Variants in BRINP3 observed in about 807,000 individuals in gnomAD.
BRINP3 encodes BMP/retinoic acid-inducible neural-specific protein 3.
BRINP3 carries 19 observed loss-of-function variants against 71.0 expected under a neutral mutation model. The observed-to-expected ratio is 0.27, with a 90% CI of 0.19 to 0.39. BRINP3 has a LOEUF of 0.39. Ranked by LOEUF, BRINP3 falls within the 10% of genes least tolerant of loss-of-function variation. The pLI is 1.00. For missense variants in BRINP3, 959 were observed against 940.8 expected (o/e 1.02, Z -0.25); for synonymous variants, 380 against 337.7 (o/e 1.13, Z -1.37).
At chr1:190,150,636 T>G (rs985893354) in intron 7 of BRINP3, among the ~76,000 whole-genome samples, 1 of 152,192 alleles carries the variant, frequency 6.6e-6, no homozygotes, top group Non-Finnish European at 1.5e-5. Context: ...CATATTTACC[T>G]AATGACAATT....
intron 2 of BRINP3, among the ~76,000 whole-genome samples, chr1:190,342,935 T>G (rs1159040387): frequency 6.6e-6 from 1 of 151,814 alleles, no homozygotes; most frequent in Non-Finnish European, 1.5e-5. Flanking sequence ...AAAACGGTGT[T>G]AAGATCAAGT....
At chr1:190,276,646 T>TAC (rs374768178) in intron 3 of BRINP3, among the ~76,000 whole-genome samples, 46 of 148,986 alleles carry the variant, frequency 3.1e-4, no homozygotes, top group Non-Finnish European at 3.4e-4. Flanking sequence ...CACACACACA[T>TAC]ACACACACAC....
At chr1:190,405,157 G>T (rs12751085) in intron 2 of BRINP3, among the ~76,000 whole-genome samples, 2 of 151,954 alleles carry the variant, frequency 1.3e-5, no homozygotes, top group Non-Finnish European at 2.9e-5. Flanking sequence ...TATTTTTAAA[G>T]AATCAGAAAC....
At chr1:190,351,074 G>T (rs10753947) in intron 2 of BRINP3, among the ~76,000 whole-genome samples, 24,729 of 152,024 alleles carry the variant, frequency 0.16, 2,046 homozygotes, top group Middle Eastern at 0.22. Context: ...AAAGTGCTGG[G>T]ATTACAGGTT....
chr1:190,461,946 C>T (rs1225562724), intron 1 of BRINP3, among the ~76,000 whole-genome samples: 1 of 152,006 alleles, frequency 6.6e-6, no homozygotes, highest in Non-Finnish European at 1.5e-5. Flanking sequence ...TATTTTGAGA[C>T]GGAGTTTCGC....
chr1:190,202,677 A>G (rs924909030), intron 6 of BRINP3, among the ~76,000 whole-genome samples: 2 of 152,006 alleles, frequency 1.3e-5, no homozygotes, highest in African/African-American at 4.8e-5. Context: ...GTGATAGTGA[A>G]TGGGTCTCAT....
At chr1:190,417,245 A>C (rs1020855409) in intron 2 of BRINP3, among the ~76,000 whole-genome samples, 1 of 152,148 alleles carries the variant, frequency 6.6e-6, no homozygotes, top group African/African-American at 2.4e-5. Context: ...CTCTTAACAA[A>C]AAAAAAATCA....
chr1:190,238,224 T>C (rs1658711321), intron 4 of BRINP3, among the ~76,000 whole-genome samples: 1 of 152,072 alleles, frequency 6.6e-6, no homozygotes, highest in Non-Finnish European at 1.5e-5. Flanking sequence ...GTAGAAACTA[T>C]ACTAGAGAAC....
chr1:190,131,565 C>T (rs1356042364), intron 7 of BRINP3, among the ~76,000 whole-genome samples: 1 of 152,020 alleles, frequency 6.6e-6, no homozygotes, highest in Non-Finnish European at 1.5e-5. Context: ...TTATGCCCGT[C>T]TTCTGTGAAA....
At position 190,105,958 on chromosome 1, in the gene BRINP3, G is replaced by A. The variant is rs145000623; in HGVS notation, c.1185-6824C>T. Among the ~76,000 whole-genome samples, 358 of 151,830 alleles carry A rather than the reference G, an allele frequency of 2.4e-3. 1 individual carries two copies. Among genetic ancestry groups the A allele is most frequent in the South Asian group, 6.8e-3 (33 of 4,820 alleles). On this transcript the variant is annotated intron_variant, in intron 7 of 7. Coordinates refer to ENST00000367462, the MANE Select transcript of BRINP3 (RefSeq NM_199051.3). ...AAATAACTATATTTTAAAAATTAGC[G>A]TACACATGCGATTTTCTATCAAAGA...
intron 6 of BRINP3, among the ~76,000 whole-genome samples, chr1:190,210,837 C>A (rs1306039447): frequency 6.6e-6 from 1 of 151,976 alleles, no homozygotes; most frequent in Non-Finnish European, 1.5e-5. Flanking sequence ...GGGTGGGCAC[C>A]ATCTAATTAG....
chr1:190,455,031 T>G lies in BRINP3; in HGVS notation c.-50-91A>C, dbSNP rs867475620. 62 of 595,064 alleles carry G rather than the reference T, an allele frequency of 1.0e-4. 2 individuals are homozygous for G. The Middle Eastern group carries it at 2.8e-3, about 27-fold the overall frequency. 36.9% of individuals were successfully genotyped at this position (595,064 alleles called of 1,614,324 possible). Reference sequence around the variant, plus strand: ...AGGTGGCTAATTTTAAATTTTAATCTAATATCATTGTTTTAAATTAGTATT... The same window carrying G: ...AGGTGGCTAATTTTAAATTTTAATCGAATATCATTGTTTTAAATTAGTATT... On this transcript the variant is annotated intron_variant, in intron 1 of 7. Transcript: ENST00000367462.
intron 7 of BRINP3, among the ~76,000 whole-genome samples, chr1:190,118,716 A>C (rs1360306024): frequency 6.6e-6 from 1 of 152,234 alleles, no homozygotes; most frequent in Admixed American, 6.5e-5. Context: ...TCTTAAAGGC[A>C]TAATAAAGGT....
intron 6 of BRINP3, among the ~76,000 whole-genome samples, chr1:190,204,366 G>T (rs1400516208): frequency 6.6e-6 from 1 of 151,282 alleles, no homozygotes; most frequent in Non-Finnish European, 1.5e-5. Flanking sequence ...TGGAAAGAAA[G>T]GATTAATAAT....
rs548663394 is a variant in BRINP3, at chr1:190,291,928, G to T, written c.237-10178C>A. Among the ~76,000 whole-genome samples, 4 of 152,186 alleles carry T rather than the reference G, an allele frequency of 2.6e-5. No individual in the cohort carries two copies. In the East Asian group the frequency reaches 7.7e-4, roughly 29 times the overall value. On this transcript the variant is annotated intron_variant, in intron 2 of 7. Transcript: ENST00000367462. ...GGTGAAAGAATGGATTTTAAAAGGT[G>T]TTATATGTACACAATGGAGTACTTA... is the stretch of plus-strand genomic sequence containing the variant.
At chr1:190,130,758 G>C (rs756159329) in intron 7 of BRINP3, among the ~76,000 whole-genome samples, 19 of 151,974 alleles carry the variant, frequency 1.3e-4, no homozygotes, top group Admixed American at 4.6e-4. Context: ...CACACAGTCA[G>C]TATGAATGGC....
At position 190,155,844 on chromosome 1, in the gene BRINP3, C is replaced by T. The variant is rs149179482; in HGVS notation, c.1184+4824G>A. On this transcript the variant is annotated intron_variant, in intron 7 of 7. Transcript: ENST00000367462. Reference sequence around the variant, plus strand: ...TGTCTTGCTTCCCCTTTGCCTTATTCCATGATTCTAAGTTTCCTGCAGTCC... The same window carrying T: ...TGTCTTGCTTCCCCTTTGCCTTATTTCATGATTCTAAGTTTCCTGCAGTCC... 7.6e-4 allele frequency among the ~76,000 whole-genome samples: 115 copies of T among 152,144 alleles called. 1 individual carries two copies. The highest frequency in any genetic ancestry group is 2.6e-3 in the African/African-American group (109 of 41,536).
intron 3 of BRINP3, among the ~76,000 whole-genome samples, chr1:190,278,409 A>G (rs1460555412): frequency 6.6e-6 from 1 of 151,634 alleles, no homozygotes. Context: ...TTCATGTTCA[A>G]TCAGGTAAAA....
At chr1:190,143,068 G>A (rs1223300649) in intron 7 of BRINP3, among the ~76,000 whole-genome samples, 2 of 152,116 alleles carry the variant, frequency 1.3e-5, no homozygotes, top group Non-Finnish European at 2.9e-5. Flanking sequence ...TGATTTGCAA[G>A]AAGTTTTCAA....
Sources: allele counts gnomAD v4.1 joint callset (sites outside exome capture counted in the v4.1 genomes callset), GRCh38; gene constraint gnomAD v4.1.1; transcripts MANE v1.5; gene names NCBI Gene and HGNC (gene_info 2026-07-23, HGNC 2026-07-21).